The following GRIP1 variants were observed in gnomAD, a reference collection of about 807,000 sequenced individuals.
GRIP1 encodes the protein glutamate receptor-interacting protein 1.
A neutral mutation model predicts 129.9 loss-of-function variants in GRIP1; 45 were observed. The observed-to-expected ratio is 0.35, with a 90% CI of 0.27 to 0.44. The LOEUF (loss-of-function observed/expected upper bound fraction) is 0.44, where lower values mean the gene tolerates loss of function less well. Among genes scored for constraint, GRIP1 ranks in the 20% least tolerant of loss-of-function variants. GRIP1 has a pLI of 1.00. For missense variants in GRIP1, 1,196 were observed against 1,396.8 expected (o/e 0.86, Z 2.29); for synonymous variants, 530 against 520.8 (o/e 1.02, Z -0.24).
intron 1 of GRIP1, among the ~76,000 whole-genome samples, chr12:66,639,575 G>A (rs764768325): frequency 3.9e-5 from 6 of 152,206 alleles, no homozygotes; most frequent in Admixed American, 2.6e-4. Flanking sequence ...TAGGTGGGTT[G>A]TGAAGAGATT....
chr12:66,572,904 A>G (rs1370143432), intron 2 of GRIP1, among the ~76,000 whole-genome samples: 1 of 152,090 alleles, frequency 6.6e-6, no homozygotes, highest in African/African-American at 2.4e-5. Flanking sequence ...TCTATATGAC[A>G]GTTCTCTATG....
intron 13 of GRIP1, among the ~76,000 whole-genome samples, chr12:66,440,997 G>T (rs1190626687): frequency 1.3e-5 from 2 of 152,088 alleles, no homozygotes; most frequent in Non-Finnish European, 2.9e-5. Context: ...GCATTTTTCC[G>T]GCCAAACTCT....
intron 1 of GRIP1, among the ~76,000 whole-genome samples, chr12:67,036,965 G>A (rs2043104975): frequency 6.6e-6 from 1 of 152,020 alleles, no homozygotes; most frequent in African/African-American, 2.4e-5. Flanking sequence ...GTGAGTCTCC[G>A]ACAAGTGTGT....
At chr12:66,974,426 A>C (rs1004894562) in intron 1 of GRIP1, among the ~76,000 whole-genome samples, 7 of 152,202 alleles carry the variant, frequency 4.6e-5, no homozygotes, top group Non-Finnish European at 7.3e-5. Flanking sequence ...CTAGAATATA[A>C]GCTTCATGAA....
chr12:66,912,906 A>C (rs958802529), intron 1 of GRIP1, among the ~76,000 whole-genome samples: 1 of 152,144 alleles, frequency 6.6e-6, no homozygotes, highest in African/African-American at 2.4e-5. Context: ...ATATAGATGG[A>C]AGTTACCTCA....
intron 1 of GRIP1, among the ~76,000 whole-genome samples, chr12:66,949,935 A>AT (rs1490721667): frequency 6.7e-6 from 1 of 149,808 alleles, no homozygotes; most frequent in East Asian, 2.0e-4. Flanking sequence ...CGCCCGGCTA[A>AT]TTTTTTGTAT....
intron 1 of GRIP1, among the ~76,000 whole-genome samples, chr12:66,797,284 G>A (rs1265572049): frequency 6.6e-6 from 1 of 152,154 alleles, no homozygotes; most frequent in Non-Finnish European, 1.5e-5. Flanking sequence ...TAAATGCACT[G>A]CAGTTATGCT....
intron 1 of GRIP1, among the ~76,000 whole-genome samples, chr12:66,824,053 T>C (rs2039366747): frequency 6.6e-6 from 1 of 152,198 alleles, no homozygotes; most frequent in Non-Finnish European, 1.5e-5. Flanking sequence ...GTTTCATTCT[T>C]TGTACAAGTC....
chr12:66,414,527 A>AT (rs1414953496), intron 15 of GRIP1, among the ~76,000 whole-genome samples: 3 of 152,166 alleles, frequency 2.0e-5, no homozygotes, highest in Non-Finnish European at 2.9e-5. Context: ...GCCCAAAGTA[A>AT]TTTATAGATT....
chr12:66,635,517 A>G (rs1464196536), intron 1 of GRIP1, among the ~76,000 whole-genome samples: 1 of 152,130 alleles, frequency 6.6e-6, no homozygotes, highest in Non-Finnish European at 1.5e-5. Flanking sequence ...GGAATTTTAA[A>G]TAATTAATAT....
chr12:66,671,495 C>T (rs1207915922), intron 1 of GRIP1, among the ~76,000 whole-genome samples: 1 of 152,114 alleles, frequency 6.6e-6, no homozygotes, highest in Admixed American at 6.6e-5. Context: ...CATGACCCCG[C>T]CCTCCACCCC....
At chr12:66,996,949 G>A (rs1162842288) in intron 1 of GRIP1, among the ~76,000 whole-genome samples, 1 of 152,112 alleles carries the variant, frequency 6.6e-6, no homozygotes, top group Non-Finnish European at 1.5e-5. Flanking sequence ...TCATTTCTCA[G>A]GAACTGGGGC....
At chr12:66,712,562 T>C (rs2035745397) in intron 1 of GRIP1, among the ~76,000 whole-genome samples, 1 of 151,956 alleles carries the variant, frequency 6.6e-6, no homozygotes, top group Admixed American at 6.6e-5. Flanking sequence ...ATTTTTGGCA[T>C]AAACATTAAA....
upstream of GRIP1, among the ~76,000 whole-genome samples, chr12:66,805,956 T>A (rs956364543): frequency 3.4e-5 from 5 of 148,270 alleles, no homozygotes; most frequent in African/African-American, 2.4e-5. Flanking sequence ...AAATCACTTG[T>A]CCTTAGGTTT....
At chr12:66,376,828 T>C (rs1476765527) in intron 22 of GRIP1, among the ~76,000 whole-genome samples, 189 bp downstream of exon 22, 1 of 152,122 alleles carries the variant, frequency 6.6e-6, no homozygotes, top group Non-Finnish European at 1.5e-5. Context: ...TTTTTAGCGA[T>C]TTGGTAGGAA....
chr12:66,400,441 A>C (rs1424711795), intron 16 of GRIP1, among the ~76,000 whole-genome samples: 1 of 152,200 alleles, frequency 6.6e-6, no homozygotes, highest in Non-Finnish European at 1.5e-5. Flanking sequence ...CAATACTCCA[A>C]TCTGGGTTTA....
At chr12:67,066,686 G>C (rs745803548) in intron 1 of GRIP1, among the ~76,000 whole-genome samples, 1 of 151,768 alleles carries the variant, frequency 6.6e-6, no homozygotes. Flanking sequence ...ATATTTAAAA[G>C]AATCCAATTC....
intron 1 of GRIP1, among the ~76,000 whole-genome samples, chr12:66,994,443 T>TAAA (rs35992790): frequency 6.9e-6 from 1 of 144,048 alleles, no homozygotes; most frequent in African/African-American, 2.5e-5. Context: ...CCTTTTATGA[T>TAAA]AAAAAAAAAA....
intron 1 of GRIP1, among the ~76,000 whole-genome samples, chr12:67,052,786 G>A (rs2043368832): frequency 8.5e-6 from 1 of 117,880 alleles, no homozygotes; most frequent in African/African-American, 3.5e-5. Flanking sequence ...GGGAGGGAGG[G>A]ACGGAGGGAG....
Sources: allele counts gnomAD v4.1 joint callset (sites outside exome capture counted in the v4.1 genomes callset), GRCh38; gene constraint gnomAD v4.1.1; transcripts MANE v1.5; gene names NCBI Gene and HGNC (gene_info 2026-07-23, HGNC 2026-07-21).